The following TENM2 variants were observed in gnomAD, a reference collection of about 807,000 sequenced individuals.
TENM2 encodes teneurin-2.
TENM2 carries 52 observed loss-of-function variants against 245.2 expected under a neutral mutation model. That is an observed-to-expected ratio of 0.21 (90% CI 0.17 to 0.27). The LOEUF (loss-of-function observed/expected upper bound fraction) is 0.27. Among genes scored for constraint, TENM2 ranks in the 10% least tolerant of loss-of-function variants. The probability of loss-of-function intolerance (pLI) is 1.00; values close to 1 mark genes in which losing one functional copy is unlikely to be tolerated. For synonymous variants in TENM2, 1,363 were observed against 1,438.9 expected (o/e 0.95, Z 1.19); for missense variants, 3,046 against 3,666.8 (o/e 0.83, Z 4.37).
At chr5:167,209,014 G>A in the TENM2 span, among the ~76,000 whole-genome samples, 4 of 152,296 alleles carry the variant, frequency 2.6e-5, no homozygotes, top group East Asian at 7.7e-4. Context: ...GAATCAGGAA[G>A]CTATCTTCCT....
At chr5:167,463,787 C>A (rs1239649295) in intron 2 of TENM2, among the ~76,000 whole-genome samples, 3 of 152,132 alleles carry the variant, frequency 2.0e-5, no homozygotes, top group South Asian at 4.1e-4. Context: ...TGAGCCACTG[C>A]GCCCAGCCGA....
chr5:167,058,259 C>T, the TENM2 span, among the ~76,000 whole-genome samples: 20 of 152,070 alleles, frequency 1.3e-4, no homozygotes, highest in Non-Finnish European at 2.6e-4. Context: ...AGAGTAGAGT[C>T]TATGACCTAT....
At chr5:168,158,668 C>A (rs1452021920) in intron 12 of TENM2, among the ~76,000 whole-genome samples, 1 of 150,680 alleles carries the variant, frequency 6.6e-6, no homozygotes, top group Non-Finnish European at 1.5e-5. Context: ...AAAATGTCTC[C>A]AGACTGGGCA....
intron 2 of TENM2, among the ~76,000 whole-genome samples, chr5:167,818,186 A>G (rs115554302): frequency 0.014 from 2,103 of 152,216 alleles, 55 homozygotes; most frequent in African/African-American, 0.048. Context: ...CCTCCTCTTA[A>G]TGTTCTCAGT....
chr5:167,935,176 C>T (rs552673496), intron 3 of TENM2, among the ~76,000 whole-genome samples: 5 of 152,216 alleles, frequency 3.3e-5, no homozygotes, highest in Admixed American at 2.0e-4. Context: ...AATGGAGTGT[C>T]GTGAATTATC....
At chr5:167,982,617 C>T (rs1280016702) in intron 4 of TENM2, among the ~76,000 whole-genome samples, 1 of 152,028 alleles carries the variant, frequency 6.6e-6, no homozygotes, top group Admixed American at 6.6e-5. Context: ...GGGAGAATAC[C>T]TAGCTTTCCC....
chr5:167,483,877 GACAGAGT>G (rs1467692092), intron 2 of TENM2, among the ~76,000 whole-genome samples: 1 of 152,206 alleles, frequency 6.6e-6, no homozygotes, highest in African/African-American at 2.4e-5. Flanking sequence ...AAGGCAGGAA[GACAGAGT>G]ACCAAGCTCT....
intron 2 of TENM2, among the ~76,000 whole-genome samples, chr5:167,495,587 C>T (rs1043075165): frequency 2.6e-5 from 4 of 151,852 alleles, no homozygotes; most frequent in Non-Finnish European, 5.9e-5. Context: ...AAGGAAGTGC[C>T]GAATAATTGC....
chr5:167,989,292 G>GAT (rs1783487890), intron 4 of TENM2, among the ~76,000 whole-genome samples: 1 of 150,166 alleles, frequency 6.7e-6, no homozygotes, highest in Non-Finnish European at 1.5e-5. Context: ...GAGAGAGAGA[G>GAT]AGAGAGAGAT....
intron 2 of TENM2, among the ~76,000 whole-genome samples, chr5:167,815,810 A>T (rs1767005035): frequency 6.6e-6 from 1 of 152,048 alleles, no homozygotes; most frequent in South Asian, 2.1e-4. Flanking sequence ...ATCCATATAG[A>T]TGAGAGGGAT....
chr5:167,890,149 G>A (rs1583290489), intron 3 of TENM2, among the ~76,000 whole-genome samples: 2 of 152,010 alleles, frequency 1.3e-5, no homozygotes, highest in East Asian at 3.9e-4. Flanking sequence ...TGTAGTGTTG[G>A]GAGGCTTTGA....
At chr5:168,047,676 A>G in intron 6 of TENM2, 127 bp downstream of exon 8, 1 of 1,180,858 alleles carries the variant, frequency 8.5e-7, no homozygotes, top group Admixed American at 2.7e-5. Context: ...GGGGGGAAAA[A>G]TCATTGCCTT....
chr5:167,835,096 T>C (rs936303740), intron 2 of TENM2, among the ~76,000 whole-genome samples: 1 of 152,156 alleles, frequency 6.6e-6, no homozygotes, highest in African/African-American at 2.4e-5. Flanking sequence ...ACTCTCAACT[T>C]TAAGGTGAGG....
At chr5:167,100,691 T>A in the TENM2 span, among the ~76,000 whole-genome samples, 1 of 152,148 alleles carries the variant, frequency 6.6e-6, no homozygotes, top group Admixed American at 6.5e-5. Context: ...GCTTTGGATT[T>A]TTTTCTTTTT....
chr5:168,018,015 T>C (rs1785810259), intron 5 of TENM2, among the ~76,000 whole-genome samples: 1 of 152,188 alleles, frequency 6.6e-6, no homozygotes, highest in African/African-American at 2.4e-5. Flanking sequence ...CTTCCACTGT[T>C]GGGCAACAGA....
intron 1 of TENM2, among the ~76,000 whole-genome samples, chr5:167,370,642 G>A (rs934634466): frequency 1.3e-5 from 2 of 152,142 alleles, no homozygotes; most frequent in African/African-American, 2.4e-5. Flanking sequence ...GTGAGTTATC[G>A]GCAACAGCCA....
Position 168,091,672 on chromosome 5 carries a change from C to T in TENM2, c.1711+903C>T, listed in dbSNP as rs536433944. Among the ~76,000 whole-genome samples the T allele has an allele frequency of 1.1e-4, 16 of 152,268 alleles. No homozygotes were observed. In the East Asian group the frequency reaches 2.9e-3, roughly 27 times the overall value. On this transcript the variant is annotated intron_variant, in intron 8 of 28. Transcript: ENST00000518659. ...TTGAGATTCAGAAAGCTGAATCTCT[C>T]GAAGACCCAGGTTGTGGAAACAGTG...
chr5:167,817,223 T>C (rs1352637002), intron 2 of TENM2, among the ~76,000 whole-genome samples: 1 of 152,212 alleles, frequency 6.6e-6, no homozygotes, highest in Non-Finnish European at 1.5e-5. Context: ...CTGATATTTC[T>C]TAGAGGAGAA....
the TENM2 span, among the ~76,000 whole-genome samples, chr5:167,249,726 G>T: frequency 5.9e-5 from 9 of 152,196 alleles, no homozygotes; most frequent in South Asian, 1.9e-3. Context: ...GGAGCAAGCC[G>T]TCCTATCAAG....
Sources: allele counts gnomAD v4.1 joint callset (sites outside exome capture counted in the v4.1 genomes callset), GRCh38; gene constraint gnomAD v4.1.1; transcripts MANE v1.5; gene names NCBI Gene and HGNC (gene_info 2026-07-23, HGNC 2026-07-21).